VWDE: variants seen among roughly 807,000 people sequenced by gnomAD.
VWDE encodes the protein von Willebrand factor D and EGF domain-containing protein.
VWDE carries 207 observed loss-of-function variants against 178.4 expected under a neutral mutation model. That is an observed-to-expected ratio of 1.16 (90% CI 1.04 to 1.30). The LOEUF (loss-of-function observed/expected upper bound fraction) is 1.30. VWDE is among the 50% of genes most tolerant of loss of function. VWDE has a pLI of 0.00. For missense variants in VWDE, 2,287 were observed against 1,901.3 expected (o/e 1.20, Z -3.77); for synonymous variants, 738 against 651.4 (o/e 1.13, Z -2.02).
chr7:12,375,952 T>C (rs1783505155), intron 7 of VWDE, among the ~76,000 whole-genome samples: 1 of 152,100 alleles, frequency 6.6e-6, no homozygotes, highest in Admixed American at 6.6e-5. Flanking sequence ...AGAGAGGAAG[T>C]ATGCTATCAT....
intron 2 of VWDE, among the ~76,000 whole-genome samples, chr7:12,391,840 A>T (rs1019486601): frequency 1.3e-5 from 2 of 152,204 alleles, no homozygotes; most frequent in Non-Finnish European, 2.9e-5. Flanking sequence ...TTGCTAAGAC[A>T]TAATCTTATA....
Position 12,351,682 on chromosome 7 carries a change from T to A in VWDE, c.3777A>T (p.Thr1259=). 1 of 1,547,818 alleles carries A rather than the reference T, an allele frequency of 6.5e-7. No homozygotes were observed. The highest frequency in any genetic ancestry group is 8.7e-7 in the Non-Finnish European group (1 of 1,145,686). ...VETQFVNQFT[T]QTVVLTRSDK... The stretch of plus-strand genomic sequence containing the variant: ...CAGATCTTGTGAGAACCACAGTTTG[T>A]GTAGTAAATTGATTTACAAACTGTG... The change falls in exon 19 of 29, where the codon ACA becomes ACT. Residue 1259 remains threonine (T), a synonymous_variant. Transcript: ENST00000275358.
intron 1 of VWDE, among the ~76,000 whole-genome samples, chr7:12,395,191 T>A (rs1301395003): frequency 6.6e-6 from 1 of 152,132 alleles, no homozygotes; most frequent in Non-Finnish European, 1.5e-5. Flanking sequence ...CAACACAAAG[T>A]AAGTATTTTA....
At chr7:12,364,447 A>C (rs970898285) in intron 13 of VWDE, among the ~76,000 whole-genome samples, 2 of 152,130 alleles carry the variant, frequency 1.3e-5, no homozygotes, top group African/African-American at 4.8e-5. Flanking sequence ...AAATTGTTCA[A>C]AAAATTATGG....
intron 21 of VWDE, 133 bp downstream of exon 21, chr7:12,344,062 G>A (rs532987157): frequency 3.9e-6 from 2 of 510,382 alleles, no homozygotes; most frequent in Admixed American, 3.6e-5. Flanking sequence ...TTAAAATGTA[G>A]AGTCCTATAC....
At chr7:12,336,320 G>C (rs1394493763) in intron 26 of VWDE, 84 bp from the exon 27 acceptor site, 1 of 1,128,182 alleles carries the variant, frequency 8.9e-7, no homozygotes, top group African/African-American at 1.6e-5. Flanking sequence ...TCATTAGAGA[G>C]AAAAAAAGAA....
At chr7:12,390,607 G>C (rs907785802) in intron 2 of VWDE, among the ~76,000 whole-genome samples, 4 of 151,314 alleles carry the variant, frequency 2.6e-5, no homozygotes, top group African/African-American at 9.7e-5. Flanking sequence ...ACTATATTGT[G>C]TTATATTTAT....
chr7:12,351,604 C>T lies in VWDE; in HGVS notation c.3855G>A (p.Arg1285=), dbSNP rs199764609. The T allele has an allele frequency of 7.1e-6, 11 of 1,549,522 alleles. No homozygotes were observed. The highest frequency in any genetic ancestry group is 2.7e-5 in the African/African-American group (2 of 72,852). Residue 1285 remains arginine (R), a synonymous_variant, in exon 19 of 29, where the codon AGG becomes AGA. Transcript: ENST00000275358. ...CATTTCCACTTGTTGGCTTAACATG[C>T]CTCTTTCTCCCTTGGGCATTTTTAT... ...EDDKNAQGRK[R]HVKPTSGNAF...
At chr7:12,380,759 A>C in intron 4 of VWDE, 26 bp from the exon 5 acceptor site, 9 of 1,549,764 alleles carry the variant, frequency 5.8e-6, no homozygotes, top group Non-Finnish European at 7.9e-6. Flanking sequence ...ATAATTTGTA[A>C]CTGGGAATCT....
chr7:12,347,326 A>G (rs1264610663), intron 19 of VWDE, among the ~76,000 whole-genome samples: 1 of 152,192 alleles, frequency 6.6e-6, no homozygotes, highest in East Asian at 1.9e-4. Flanking sequence ...ACCATTAAAG[A>G]AAGTAAGAAA....
In VWDE at chr7:12,337,823, G is replaced by A. The variant is rs916516334; in HGVS notation, c.4367-551C>T. ...TTAAGAATATTTGTTAGATAATTTT[G>A]AATATATCTTACTGGTAGTTCCTAT... On this transcript the variant is annotated intron_variant, in intron 24 of 28. Coordinates refer to ENST00000275358, the MANE Select transcript of VWDE (RefSeq NM_001135924.3). 2.0e-5 allele frequency among the ~76,000 whole-genome samples: 3 copies of A among 152,150 alleles called. No individual in the cohort carries two copies. In the South Asian group the frequency reaches 6.2e-4, roughly 32 times the overall value.
chr7:12,355,797 T>C (rs909260438), intron 18 of VWDE, among the ~76,000 whole-genome samples: 2 of 152,136 alleles, frequency 1.3e-5, no homozygotes, highest in African/African-American at 2.4e-5. Context: ...TATTTTTCCA[T>C]ATTATATCTT....
At chr7:12,395,061 C>T (rs1001309982) in intron 1 of VWDE, among the ~76,000 whole-genome samples, 1 of 151,894 alleles carries the variant, frequency 6.6e-6, no homozygotes, top group African/African-American at 2.4e-5. Flanking sequence ...TATTATTTTC[C>T]AAATGATCTC....
At chr7:12,373,374 C>A (rs1783323189) in intron 9 of VWDE, 127 bp from the exon 10 acceptor site, 1 of 921,574 alleles carries the variant, frequency 1.1e-6, no homozygotes, top group East Asian at 2.6e-5. Context: ...ACAAAGTAGT[C>A]ATAAACACCT....
intron 22 of VWDE, 103 bp downstream of exon 22, chr7:12,342,980 T>C: frequency 1.3e-6 from 1 of 775,010 alleles, no homozygotes; most frequent in Non-Finnish European, 2.0e-6. Flanking sequence ...TCACAATGTG[T>C]GTTCTTTACG....
intron 28 of VWDE, among the ~76,000 whole-genome samples, chr7:12,332,971 G>C (rs1780807974): frequency 6.6e-6 from 1 of 152,084 alleles, no homozygotes; most frequent in African/African-American, 2.4e-5. Context: ...GCATTTGTCT[G>C]TATGTTTGTA....
intron 16 of VWDE, among the ~76,000 whole-genome samples, chr7:12,359,273 C>A (rs1182940558): frequency 6.6e-6 from 1 of 152,124 alleles, no homozygotes; most frequent in Non-Finnish European, 1.5e-5. Context: ...GTGCTGAATC[C>A]ATGGCCTTTG....
At chr7:12,401,584 C>A (rs1471291978) in intron 1 of VWDE, among the ~76,000 whole-genome samples, 5 of 152,072 alleles carry the variant, frequency 3.3e-5, no homozygotes, top group African/African-American at 1.2e-4. Context: ...AATCAAACTA[C>A]AATGAAATAC....
In VWDE at chr7:12,333,380, A is replaced by G. The variant is rs979087534; in HGVS notation, c.4758+85T>C. Reference sequence around the variant, plus strand: ...TTTTTATTTTGGAAATAATAAAAAAACATTAATTAGTAACAATTACTAAGT... The same window carrying G: ...TTTTTATTTTGGAAATAATAAAAAAGCATTAATTAGTAACAATTACTAAGT... On this transcript the variant is annotated intron_variant, in intron 28 of 28. Coordinates refer to ENST00000275358, the MANE Select transcript of VWDE (RefSeq NM_001135924.3). 36 of 787,260 alleles carry G rather than the reference A, an allele frequency of 4.6e-5. No homozygotes were observed. In the East Asian group the frequency reaches 1.0e-3, roughly 22 times the overall value. 48.8% of individuals were successfully genotyped at this position (787,260 alleles called of 1,614,324 possible). A position where few individuals can be genotyped will look rare whatever the true frequency, so the allele number is the denominator to read the frequency against.
Sources: allele counts gnomAD v4.1 joint callset (sites outside exome capture counted in the v4.1 genomes callset), GRCh38; gene constraint gnomAD v4.1.1; transcripts MANE v1.5; gene names NCBI Gene and HGNC (gene_info 2026-07-23, HGNC 2026-07-21).